POM121: variants seen among roughly 807,000 people sequenced by gnomAD.
POM121 encodes the protein nuclear envelope pore membrane protein POM 121.
POM121 carries 32 observed loss-of-function variants against 81.3 expected under a neutral mutation model. The ratio of observed to expected loss-of-function variants is 0.39; its 90% confidence interval spans 0.30 to 0.53. The LOEUF (loss-of-function observed/expected upper bound fraction) is 0.53. POM121 is among the 20% of genes least tolerant of loss of function. The pLI is 0.66. For missense variants in POM121, 1,138 were observed against 1,614.6 expected, an observed-to-expected ratio of 0.70 and a Z score of 5.06; for synonymous variants, 514 against 694.2, an observed-to-expected ratio of 0.74 and a Z score of 4.08.
intron 3 of POM121, among the ~76,000 whole-genome samples, chr7:72,902,123 AAAAC>A (rs1161480985): frequency 6.6e-6 from 1 of 151,990 alleles, no homozygotes; most frequent in African/African-American, 2.4e-5. Flanking sequence ...AAAAAAACAA[AAAAC>A]AAAAAACTGT....
In POM121 at chr7:72,902,437, A is replaced by G. The variant is rs151274789; in HGVS notation, c.-216+11327A>G. ...ACCACCATGCCTGGCTAATTTTTGT[A>G]TACTTTTCAGCTTCAGACTTTGATT... On this transcript the variant is annotated intron_variant, in intron 3 of 15. Transcript: ENST00000395270. 6.1e-3 allele frequency among the ~76,000 whole-genome samples: 921 copies of G among 151,194 alleles called. 10 individuals carry two copies. The highest frequency in any genetic ancestry group is 0.02 in the African/African-American group (843 of 41,254).
intron 3 of POM121, among the ~76,000 whole-genome samples, chr7:72,893,311 C>T (rs372744008): frequency 7.9e-5 from 12 of 151,458 alleles, no homozygotes; most frequent in East Asian, 2.0e-4. Context: ...TGGCCAGGCA[C>T]GGTGGCTCAT....
At chr7:72,919,288 T>C (rs1323790746) in intron 4 of POM121, among the ~76,000 whole-genome samples, 1 of 151,536 alleles carries the variant, frequency 6.6e-6, no homozygotes, top group African/African-American at 2.4e-5. Flanking sequence ...TTTGCTGATA[T>C]CATTCCTCAA....
chr7:72,893,239 G>A (rs1424711084), intron 3 of POM121, among the ~76,000 whole-genome samples: 5 of 151,832 alleles, frequency 3.3e-5, no homozygotes, highest in Non-Finnish European at 7.4e-5. Context: ...GATTACAGGC[G>A]TGAGCCACTG....
chr7:72,911,720 G>A (rs1554494304), intron 3 of POM121, among the ~76,000 whole-genome samples: 1 of 152,208 alleles, frequency 6.6e-6, no homozygotes, highest in African/African-American at 2.4e-5. Flanking sequence ...GGATGAAATA[G>A]ACGAATGCGT....
chr7:72,916,192 A>T (rs1330579825), intron 4 of POM121, among the ~76,000 whole-genome samples: 2 of 152,102 alleles, frequency 1.3e-5, no homozygotes, highest in Non-Finnish European at 2.9e-5. Context: ...CCATTTGTCA[A>T]TTTTGGCTTT....
Position 72,948,115 on chromosome 7 carries a change from G to A in POM121, c.*1881G>A, listed in dbSNP as rs1283741223. ...GTTCCGCAGGCAGGACAGCCGGTCCGGGAACCCTGAGTGAGAATGAGTGTG... is the reference window on the plus strand; with the variant it reads ...GTTCCGCAGGCAGGACAGCCGGTCCAGGAACCCTGAGTGAGAATGAGTGTG... On this transcript the variant is annotated 3_prime_UTR_variant, in exon 13 of 13. Transcript: ENST00000434423. The A allele has an allele frequency of 3.9e-5, 54 of 1,387,738 alleles. No homozygotes were observed. In the East Asian group the frequency reaches 1.3e-3, roughly 34 times the overall value. The allele number at this position is 1,387,738 out of a possible 1,614,324, so 86.0% of individuals were successfully genotyped here.
At chr7:72,924,809 TTCAG>T (rs573355556), upstream of POM121, 1,117 of 344,874 alleles carry the variant, frequency 3.2e-3, 1 homozygote, top group Non-Finnish European at 4.9e-3. Flanking sequence ...TGGAGGGGAA[TTCAG>T]CCCCCATAAA....
At chr7:72,917,806 A>G (rs1410577832) in intron 4 of POM121, among the ~76,000 whole-genome samples, 2 of 152,186 alleles carry the variant, frequency 1.3e-5, no homozygotes, top group Non-Finnish European at 2.9e-5. Flanking sequence ...ACTACCACCA[A>G]TGCGCAGAGA....
At chr7:72,931,076 A>T (rs1795971631) in intron 5 of POM121, among the ~76,000 whole-genome samples, 1 of 152,180 alleles carries the variant, frequency 6.6e-6, no homozygotes, top group African/African-American at 2.4e-5. Context: ...CGAGTTCATC[A>T]GCCCAGAAGG....
At chr7:72,936,467 C>T (rs1355290277) in intron 5 of POM121, among the ~76,000 whole-genome samples, 4 of 151,646 alleles carry the variant, frequency 2.6e-5, no homozygotes, top group Non-Finnish European at 5.9e-5. Context: ...TTAGTAGAGA[C>T]GGGGTTTCAC....
At chr7:72,927,246 GTTTATT>G (rs1346906175) in intron 3 of POM121, among the ~76,000 whole-genome samples, 1 of 152,186 alleles carries the variant, frequency 6.6e-6, no homozygotes, top group East Asian at 1.9e-4. Context: ...ATGTGTTAAA[GTTTATT>G]TTCAAGAAAG....
rs566571066 is a variant in POM121, at chr7:72,881,920, C to T, written c.-521+2035C>T. On this transcript the variant is annotated intron_variant, in intron 1 of 15. Coordinates refer to the POM121 transcript ENST00000395270. ...TGCTGGGATTACAGGCATGAGCCAC[C>T]GAGCCCAGCCAGGATTCATACTTTA... 5.3e-5 allele frequency among the ~76,000 whole-genome samples: 8 copies of T among 152,244 alleles called. No individual in the cohort carries two copies. The East Asian group carries it at 9.6e-4, about 18-fold the overall frequency.
At chr7:72,926,189 G>A in intron 1 of POM121, 73 bp from the exon 2 acceptor site, 3 of 1,396,196 alleles carry the variant, frequency 2.1e-6, no homozygotes, top group Non-Finnish European at 2.9e-6. Flanking sequence ...CTGAACTGGT[G>A]GGTTTTTAAC....
chr7:72,882,201 C>T (rs1230081255), intron 1 of POM121, among the ~76,000 whole-genome samples: 2 of 152,126 alleles, frequency 1.3e-5, no homozygotes, highest in Non-Finnish European at 2.9e-5. Context: ...AATTGGCTCA[C>T]GTCTGCAGGC....
intron 1 of POM121, chr7:72,879,996 GAC>G (rs1789971954): frequency 2.6e-6 from 1 of 382,048 alleles, no homozygotes; most frequent in Admixed American, 3.1e-5. Context: ...TTGCCGGAGA[GAC>G]ATGTGTTGGG....
intron 1 of POM121, among the ~76,000 whole-genome samples, chr7:72,888,739 T>C (rs1358929154): frequency 1.3e-5 from 2 of 152,028 alleles, no homozygotes; most frequent in Non-Finnish European, 2.9e-5. Flanking sequence ...TTGTGTGTAA[T>C]TGAAATACAT....
At chr7:72,886,128 CTATT>C (rs1554490003) in intron 1 of POM121, among the ~76,000 whole-genome samples, 1 of 151,972 alleles carries the variant, frequency 6.6e-6, no homozygotes, top group African/African-American at 2.4e-5. Flanking sequence ...CACACACTAT[CTATT>C]ACGTTGTTGT....
At chr7:72,927,280 C>T (rs745728902) in intron 3 of POM121, among the ~76,000 whole-genome samples, 2 of 152,118 alleles carry the variant, frequency 1.3e-5, no homozygotes, top group South Asian at 2.1e-4. Flanking sequence ...TAAGTCTTCC[C>T]GTCGGAATTT....
Sources: gnomAD v4.1 joint callset for allele counts (sites outside exome capture counted in the v4.1 genomes callset) on GRCh38, gnomAD v4.1.1 for gene constraint, MANE v1.5 for transcripts, NCBI Gene and HGNC (gene_info 2026-07-23, HGNC 2026-07-21) for gene names.